The following CEP135 variants were observed in gnomAD, a reference collection of about 807,000 sequenced individuals.
CEP135 encodes centrosomal protein of 135 kDa.
Under a neutral mutation model 157.3 loss-of-function variants are expected in CEP135, and 142 were observed. That is an observed-to-expected ratio of 0.90 (90% CI 0.79 to 1.04). The LOEUF is 1.04. CEP135 is among the 50% of genes least tolerant of loss of function. The probability of loss-of-function intolerance (pLI) is 0.00; values close to 1 mark genes in which losing one functional copy is unlikely to be tolerated. For missense variants in CEP135, 1,317 were observed against 1,309.2 expected (o/e 1.01, Z -0.09); for synonymous variants, 396 against 439.8 (o/e 0.90, Z 1.25).
At position 55,981,334 on chromosome 4, in the gene CEP135, A is replaced by G; in HGVS notation, c.1734A>G (p.Leu578=). Residue 578 remains leucine (L), a synonymous_variant, in exon 13 of 26, where the codon TTA becomes TTG. Coordinates refer to ENST00000257287, the MANE Select transcript of CEP135 (RefSeq NM_025009.5). ...AAAAAGAACTTGCGTTATCTGACTTAAGAAGAATTATGGCAGAAAAGGAAG... is the reference window on the plus strand; with the variant it reads ...AAAAAGAACTTGCGTTATCTGACTTGAGAAGAATTATGGCAGAAAAGGAAG... The part of the protein sequence containing the change: ...EKEKELALSD[L]RRIMAEKEAL... 6.3e-7 allele frequency: 1 copy of G among 1,593,474 alleles called. No homozygotes were observed. Among genetic ancestry groups the G allele is most frequent in the Non-Finnish European group, 8.5e-7 (1 of 1,174,058 alleles).
chr4:55,966,448 T>C, intron 8 of CEP135: 1 of 152,662 alleles, frequency 6.6e-6, no homozygotes, highest in Non-Finnish European at 1.5e-5. Flanking sequence ...CACCTCAGCC[T>C]CCCAAAATGC....
At chr4:56,010,360 CAAAAAAAA>C (rs34182911) in intron 19 of CEP135, among the ~76,000 whole-genome samples, 4 of 110,940 alleles carry the variant, frequency 3.6e-5, no homozygotes, top group African/African-American at 6.8e-5. Context: ...AGACTCCATC[CAAAAAAAA>C]AAAAAAAAAA....
chr4:55,974,464 T>C (rs1167457478), intron 10 of CEP135, among the ~76,000 whole-genome samples: 1 of 152,214 alleles, frequency 6.6e-6, no homozygotes, highest in Non-Finnish European at 1.5e-5. Flanking sequence ...TGGTAATTTA[T>C]TGCTTCATTT....
chr4:55,980,012 G>C, intron 11 of CEP135, 131 bp from the exon 12 acceptor site: 1 of 747,434 alleles, frequency 1.3e-6, no homozygotes, highest in Non-Finnish European at 2.2e-6. Context: ...TTTTAAAACT[G>C]TGTTCCTTAA....
chr4:55,990,232 A>G (rs1729739396), intron 14 of CEP135, among the ~76,000 whole-genome samples: 1 of 152,146 alleles, frequency 6.6e-6, no homozygotes, highest in Non-Finnish European at 1.5e-5. Context: ...CATCAGTTTC[A>G]GTTTTTTCTT....
rs745515936 is a variant in CEP135 at position 56,011,420 on chromosome 4, A to G, written c.2514A>G (p.Ser838=). 6.2e-7 allele frequency: 1 copy of G among 1,603,680 alleles called. No homozygotes were observed. The highest frequency in any genetic ancestry group is 8.5e-7 in the Non-Finnish European group (1 of 1,175,398). ...ATMARENQEI[S]LELEAAVQEK... is the part of the protein sequence containing the mutation. ...AATTTTCTGATTTGTAGGAAATCTC[A>G]TTGGAATTGGAAGCAGCAGTGCAAG... The change falls in exon 20 of 26, where the codon TCA becomes TCG. Residue 838 remains serine, a synonymous_variant. Coordinates refer to ENST00000257287, the MANE Select transcript of CEP135 (RefSeq NM_025009.5).
At chr4:55,982,664 A>T (rs1486017200) in intron 13 of CEP135, among the ~76,000 whole-genome samples, 1 of 152,218 alleles carries the variant, frequency 6.6e-6, no homozygotes, top group African/African-American at 2.4e-5. Context: ...TTCTACATAC[A>T]GCCCCTTATT....
chr4:56,012,109 G>A (rs1414101651), intron 21 of CEP135, 124 bp downstream of exon 21: 3 of 597,022 alleles, frequency 5.0e-6, no homozygotes, highest in Admixed American at 4.2e-5. Flanking sequence ...CCAGGCTGGA[G>A]TGCAATGGCA....
intron 1 of CEP135, among the ~76,000 whole-genome samples, chr4:55,949,357 T>C (rs1728280791): frequency 6.6e-6 from 1 of 152,208 alleles, no homozygotes; most frequent in Non-Finnish European, 1.5e-5. Context: ...GCAGACAGGC[T>C]TGCTGTTGAC....
chr4:55,951,420 T>G (rs1468034008), intron 1 of CEP135, among the ~76,000 whole-genome samples: 1 of 152,226 alleles, frequency 6.6e-6, no homozygotes, highest in African/African-American at 2.4e-5. Flanking sequence ...CCTTGTAATT[T>G]TAGTCATTCT....
intron 6 of CEP135, among the ~76,000 whole-genome samples, chr4:55,962,354 C>A (rs1480664482): frequency 1.3e-5 from 2 of 152,134 alleles, no homozygotes; most frequent in Non-Finnish European, 2.9e-5. Context: ...CTCACCTCGG[C>A]CTCCCAAAGT....
intron 23 of CEP135, among the ~76,000 whole-genome samples, chr4:56,020,009 G>A (rs566379305): frequency 7.9e-5 from 12 of 152,308 alleles, no homozygotes; most frequent in African/African-American, 2.2e-4. Context: ...GAGAAACATC[G>A]TGTTGGGAGG....
At chr4:55,989,965 C>T (rs897844523) in intron 14 of CEP135, among the ~76,000 whole-genome samples, 4 of 152,196 alleles carry the variant, frequency 2.6e-5, no homozygotes, top group African/African-American at 9.7e-5. Context: ...GCAAATGCAG[C>T]CTCCAGTCTG....
At chr4:55,988,997 G>A (rs542113168) in intron 14 of CEP135, among the ~76,000 whole-genome samples, 4 of 151,814 alleles carry the variant, frequency 2.6e-5, no homozygotes, top group Non-Finnish European at 5.9e-5. Context: ...AAAACAACAG[G>A]GATTGGGAGA....
intron 3 of CEP135, among the ~76,000 whole-genome samples, chr4:55,953,604 T>C: frequency 6.6e-6 from 1 of 152,138 alleles, no homozygotes; most frequent in East Asian, 1.9e-4. Flanking sequence ...TAAATGTGCA[T>C]TATATAGCTA....
At chr4:55,964,253 A>C (rs187575197) in intron 6 of CEP135, 21 bp from the exon 7 acceptor site, 1 of 1,578,136 alleles carries the variant, frequency 6.3e-7, no homozygotes, top group African/African-American at 1.4e-5. Context: ...TTTTAAAATG[A>C]CAGCATGACT....
chr4:56,022,858 G>A (rs1386396957), intron 24 of CEP135, among the ~76,000 whole-genome samples: 1 of 152,176 alleles, frequency 6.6e-6, no homozygotes, highest in African/African-American at 2.4e-5. Flanking sequence ...CACTTTGGGA[G>A]GCTGAGGCAG....
chr4:55,955,105 C>T (rs1222820091), intron 4 of CEP135, among the ~76,000 whole-genome samples: 1 of 151,362 alleles, frequency 6.6e-6, no homozygotes, highest in East Asian at 1.9e-4. Flanking sequence ...AAATGATGGG[C>T]CACATCCAGA....
At chr4:55,982,158 A>C (rs1032663134) in intron 13 of CEP135, among the ~76,000 whole-genome samples, 2 of 152,162 alleles carry the variant, frequency 1.3e-5, no homozygotes, top group African/African-American at 4.8e-5. Context: ...CTGTGTCTCT[A>C]TAGATCTTCC....
Sources: allele counts gnomAD v4.1 joint callset (sites outside exome capture counted in the v4.1 genomes callset), GRCh38; gene constraint gnomAD v4.1.1; transcripts MANE v1.5; gene names NCBI Gene and HGNC (gene_info 2026-07-23, HGNC 2026-07-21).